The following NIPBL variants were observed in gnomAD, a reference collection of about 807,000 sequenced individuals.
NIPBL encodes nipped-B-like protein.
NIPBL carries 19 observed loss-of-function variants against 321.8 expected under a neutral mutation model. The ratio of observed to expected loss-of-function variants is 0.06; its 90% CI spans 0.04 to 0.09. NIPBL has a LOEUF of 0.09. Ranked by LOEUF, NIPBL falls within the 10% of genes least tolerant of loss-of-function variation. NIPBL has a pLI of 1.00. For synonymous variants in NIPBL, 1,106 were observed against 1,114.1 expected (o/e 0.99, Z 0.14); for missense variants, 2,210 against 3,327.0 (o/e 0.66, Z 8.26).
In NIPBL at chr5:37,049,166, G is replaced by A. The variant is rs778420641; in HGVS notation, c.6819G>A (p.Gly2273=). ...AAGAAATGGGTGATGTTTCCTCAGG[G>A]ATGAGTAGTTCCATCATGCAGCTTT... ...DLKEMGDVSS[G]MSSSIMQLYL... is the part of the protein sequence containing the mutation. The change falls in exon 40 of 47, where the codon GGG becomes GGA. Residue 2273 remains glycine, a synonymous_variant. Coordinates refer to ENST00000282516, the MANE Select transcript of NIPBL (RefSeq NM_133433.4). The A allele has an allele frequency of 1.2e-6, 2 of 1,614,132 alleles. No homozygotes were observed. The highest frequency in any genetic ancestry group is 1.7e-5 in the Admixed American group (1 of 60,022).
At position 36,996,519 on chromosome 5, in the gene NIPBL, C is replaced by T. The variant is rs1207633877; in HGVS notation, c.3304+715C>T. ...CTACCTCTCTACAACACTGTGATCA[C>T]CTGTCTTTGCACTAGACTTGCTATA... On this transcript the variant is annotated intron_variant, in intron 11 of 46. Transcript: ENST00000282516. This position sits in a 1 kb window ranked among gnomAD's most constrained non-coding sequence, Gnocchi z 5.0. 9 of 456,474 alleles carry T rather than the reference C, an allele frequency of 2.0e-5. No homozygotes were observed. The highest frequency in any genetic ancestry group is 4.7e-5 in the Admixed American group (2 of 42,554). 28.3% of individuals were successfully genotyped at this position (456,474 alleles called of 1,614,324 possible). A position where few individuals can be genotyped will look rare whatever the true frequency, so the allele number is the denominator to read the frequency against.
In NIPBL at chr5:37,019,420, T is replaced by C; in HGVS notation, c.5010+20T>C. 2.6e-6 allele frequency: 4 copies of C among 1,550,426 alleles called. No individual in the cohort carries two copies. The highest frequency in any genetic ancestry group is 1.1e-5 in the South Asian group (1 of 89,788). On this transcript the variant is annotated intron_variant, in intron 25 of 46. Coordinates refer to ENST00000282516, the MANE Select transcript of NIPBL (RefSeq NM_133433.4). ...CTAGTGGTAGGATTCTTTTCCCCTG[T>C]TTTGGAGATACTACATGTTTATTTA... is the stretch of plus-strand genomic sequence containing the variant.
chr5:37,037,753 A>G (rs1751875132), intron 33 of NIPBL, among the ~76,000 whole-genome samples: 2 of 149,600 alleles, frequency 1.3e-5, no homozygotes, highest in Non-Finnish European at 1.5e-5. Context: ...AAAAGTTGCT[A>G]ATTTCCTCTA....
At chr5:36,925,880 T>C (rs2149565117) in intron 1 of NIPBL, among the ~76,000 whole-genome samples, 1 of 152,308 alleles carries the variant, frequency 6.6e-6, no homozygotes, top group Non-Finnish European at 1.5e-5. Context: ...AAGAACATAA[T>C]ATTCTATACC....
chr5:36,990,457 TTAAAG>T (rs1400782785), intron 10 of NIPBL, among the ~76,000 whole-genome samples: 11 of 152,198 alleles, frequency 7.2e-5, no homozygotes, highest in African/African-American at 2.7e-4. Flanking sequence ...GGTGTTTTCT[TTAAAG>T]TAGATTGTAA....
At chr5:36,905,750 TG>T (rs1747582858) in intron 1 of NIPBL, among the ~76,000 whole-genome samples, 6 of 151,502 alleles carry the variant, frequency 4.0e-5, no homozygotes, top group Admixed American at 2.6e-4. Context: ...TTTGTTTTTG[TG>T]TTTTTTTTTT....
intron 1 of NIPBL, among the ~76,000 whole-genome samples, chr5:36,940,895 A>T (rs147672938): frequency 1.3e-5 from 2 of 152,214 alleles, no homozygotes; most frequent in African/African-American, 4.8e-5. Flanking sequence ...TGTTACTGTT[A>T]TGGAATTTAT....
At chr5:36,897,720 A>G (rs543035523) in intron 1 of NIPBL, among the ~76,000 whole-genome samples, 13 of 152,324 alleles carry the variant, frequency 8.5e-5, no homozygotes, top group African/African-American at 2.9e-4. Flanking sequence ...AGCTTTGCCA[A>G]TAGTGAGGCA....
intron 1 of NIPBL, among the ~76,000 whole-genome samples, chr5:36,878,708 A>G (rs1264864537): frequency 6.6e-6 from 1 of 152,224 alleles, no homozygotes; most frequent in Admixed American, 6.5e-5. Flanking sequence ...ATTTCCTGCA[A>G]ACGTACGGAT....
Position 37,064,653 on chromosome 5 carries a change from A to C in NIPBL, c.8176A>C (p.Arg2726=). The C allele has an allele frequency of 1.2e-6, 2 of 1,614,202 alleles. No individual in the cohort carries two copies. The highest frequency in any genetic ancestry group is 1.7e-6 in the Non-Finnish European group (2 of 1,180,030). ...PKYKDRPQIA[R]VVQKTSSGFS... ...GTACAAAGATCGACCACAAATTGCA[A>C]GAGTAGTGCAGAAAACCAGCAGTGG... The change falls in exon 47 of 47, where the codon AGA becomes CGA. Residue 2726 remains arginine, a synonymous_variant. Coordinates refer to ENST00000282516, the MANE Select transcript of NIPBL (RefSeq NM_133433.4).
At chr5:36,922,811 C>A (rs1487318433) in intron 1 of NIPBL, among the ~76,000 whole-genome samples, 1 of 152,038 alleles carries the variant, frequency 6.6e-6, no homozygotes, top group Non-Finnish European at 1.5e-5. Flanking sequence ...AAAAGCAAAC[C>A]CTTGGAAAAT....
intron 32 of NIPBL, among the ~76,000 whole-genome samples, chr5:37,032,712 C>G (rs1751206643): frequency 6.6e-6 from 1 of 152,120 alleles, no homozygotes; most frequent in Admixed American, 6.6e-5. Context: ...GAGTTTTAGG[C>G]TGCAGTGAAC....
At chr5:36,952,053 T>TGTGTGTGTGTGTGTGCGCGC (rs778597604) in intron 1 of NIPBL, among the ~76,000 whole-genome samples, 109 of 112,170 alleles carry the variant, frequency 9.7e-4, no homozygotes, top group East Asian at 2.1e-3. Context: ...TGTGTGTGTG[T>TGTGTGTGTGTGTGTGCGCGC]GCGCGCGCGC....
chr5:37,037,764 A>G (rs1751876392), intron 33 of NIPBL, among the ~76,000 whole-genome samples: 1 of 151,404 alleles, frequency 6.6e-6, no homozygotes. Flanking sequence ...ATTTCCTCTA[A>G]AAATTTGTTT....
chr5:36,937,131 A>G (rs1045931985), intron 1 of NIPBL, among the ~76,000 whole-genome samples: 5 of 152,146 alleles, frequency 3.3e-5, no homozygotes, highest in African/African-American at 1.2e-4. Flanking sequence ...AAAATTTGGA[A>G]TCTTGGTCCT....
At chr5:36,909,358 T>C (rs1747874508) in intron 1 of NIPBL, among the ~76,000 whole-genome samples, 1 of 152,218 alleles carries the variant, frequency 6.6e-6, no homozygotes, top group South Asian at 2.1e-4. Flanking sequence ...GTTCAGTGTA[T>C]TCAGGAAACT....
intron 34 of NIPBL, 83 bp downstream of exon 34, chr5:37,038,821 T>C (rs1283120198): frequency 7.4e-7 from 1 of 1,360,324 alleles, no homozygotes; most frequent in African/African-American, 1.4e-5. Context: ...GTCAACCACA[T>C]TCTCACTGAC....
intron 1 of NIPBL, among the ~76,000 whole-genome samples, chr5:36,943,629 G>A (rs6451311): frequency 0.049 from 7,443 of 152,158 alleles, 639 homozygotes; most frequent in African/African-American, 0.17. Flanking sequence ...TAGATAATTG[G>A]ATATGAGTCT....
intron 21 of NIPBL, 152 bp downstream of exon 21, chr5:37,010,377 G>A (rs967795899): frequency 1.7e-5 from 10 of 588,036 alleles, no homozygotes; most frequent in Middle Eastern, 1.0e-3. Flanking sequence ...GTGCAGTGGC[G>A]CGATCTCGGC....
Sources: allele counts gnomAD v4.1 joint callset (sites outside exome capture counted in the v4.1 genomes callset), GRCh38; gene constraint gnomAD v4.1.1; non-coding constraint Gnocchi (gnomAD v3.1); transcripts MANE v1.5; gene names NCBI Gene and HGNC (gene_info 2026-07-23, HGNC 2026-07-21).